DNAJB6: variants seen among roughly 807,000 people sequenced by gnomAD.
The protein encoded by DNAJB6 is DnaJ heat shock protein family (Hsp40) member B6, also known as dnaJ homolog subfamily B member 6.
A neutral mutation model predicts 42.7 loss-of-function variants in DNAJB6; 16 were observed. The ratio of observed to expected loss-of-function variants is 0.37; its 90% CI spans 0.25 to 0.57. The LOEUF is 0.57. DNAJB6 is among the 20% of genes least tolerant of loss of function. The pLI, the probability that DNAJB6 is intolerant of heterozygous loss-of-function variation, is 0.74. For synonymous variants in DNAJB6, 170 were observed against 163.5 expected, an observed-to-expected ratio of 1.04 and a Z score of -0.30; for missense variants, 347 against 416.8, an observed-to-expected ratio of 0.83 and a Z score of 1.46.
chr7:157,394,968 C>G (rs1801513298), intron 8 of DNAJB6, among the ~76,000 whole-genome samples: 1 of 152,104 alleles, frequency 6.6e-6, no homozygotes, highest in African/African-American at 2.4e-5. Flanking sequence ...GTGCACGCCT[C>G]TAGTCCCAGC....
At chr7:157,397,158 C>T (rs749373952) in intron 8 of DNAJB6, among the ~76,000 whole-genome samples, 2 of 152,200 alleles carry the variant, frequency 1.3e-5, no homozygotes, top group Admixed American at 6.5e-5. Context: ...CAGCCCCGTG[C>T]GTCTGTAGCT....
intron 5 of DNAJB6, among the ~76,000 whole-genome samples, chr7:157,370,425 G>T (rs905883444): frequency 2.4e-4 from 36 of 152,042 alleles, no homozygotes; most frequent in African/African-American, 8.7e-4. Flanking sequence ...TTAACATTAT[G>T]ATTAAACAGG....
chr7:157,382,166 T>C (rs1800814227), intron 5 of DNAJB6, 80 bp from the exon 6 acceptor site: 1 of 1,463,812 alleles, frequency 6.8e-7, no homozygotes, highest in African/African-American at 1.4e-5. Flanking sequence ...CAAACATCTA[T>C]TTTCTCTTAC....
At chr7:157,386,883 C>CAAA (rs112149325) in intron 8 of DNAJB6, among the ~76,000 whole-genome samples, 11,280 of 132,752 alleles carry the variant, frequency 0.085, 626 homozygotes, top group African/African-American at 0.15. Flanking sequence ...GCCTTCATCT[C>CAAA]AAAAAAAAAA....
intron 1 of DNAJB6, among the ~76,000 whole-genome samples, chr7:157,342,469 A>G (rs146518956): frequency 0.022 from 3,233 of 149,596 alleles, 45 homozygotes; most frequent in East Asian, 0.057. Context: ...TCCCGAGTAC[A>G]TGGGATTACA....
chr7:157,359,064 C>A (rs571557382), intron 2 of DNAJB6, among the ~76,000 whole-genome samples: 2 of 152,174 alleles, frequency 1.3e-5, no homozygotes, highest in Non-Finnish European at 2.9e-5. Flanking sequence ...AGAACTGCAG[C>A]GCTGCCTGTG....
intron 8 of DNAJB6, among the ~76,000 whole-genome samples, chr7:157,407,165 C>T (rs1795802948): frequency 6.6e-6 from 1 of 152,248 alleles, no homozygotes; most frequent in Non-Finnish European, 1.5e-5. Flanking sequence ...GACTGGGCTT[C>T]CCAGAGCCAG....
chr7:157,341,537 A>G (rs909350405), intron 1 of DNAJB6, among the ~76,000 whole-genome samples: 4 of 152,178 alleles, frequency 2.6e-5, no homozygotes, highest in African/African-American at 9.6e-5. Flanking sequence ...ACCTTTTGCC[A>G]CCAAAGGCTT....
chr7:157,387,649 C>G (rs1801137354), intron 8 of DNAJB6, among the ~76,000 whole-genome samples: 1 of 152,160 alleles, frequency 6.6e-6, no homozygotes, highest in Non-Finnish European at 1.5e-5. Flanking sequence ...GTTGGTACTA[C>G]ACAATTTTAG....
chr7:157,385,403 G>T, intron 7 of DNAJB6, 138 bp from the exon 8 acceptor site: 1 of 855,440 alleles, frequency 1.2e-6, no homozygotes, highest in Non-Finnish European at 1.8e-6. Context: ...TTGACAGGTT[G>T]GCTTCAGCCA....
At chr7:157,384,756 C>T (rs41267741) in intron 6 of DNAJB6, 111 bp from the exon 7 acceptor site, 26,348 of 1,080,912 alleles carry the variant, frequency 0.024, 376 homozygotes, top group Non-Finnish European at 0.031. Context: ...TATTACTCCT[C>T]GGTTCTATGC....
At chr7:157,403,842 C>A (rs184548152) in intron 8 of DNAJB6, among the ~76,000 whole-genome samples, 1 of 152,158 alleles carries the variant, frequency 6.6e-6, no homozygotes, top group Non-Finnish European at 1.5e-5. Context: ...TGTGTGGACT[C>A]GCAGCGGAAG....
At chr7:157,407,508 G>T (rs1795815114) in intron 8 of DNAJB6, among the ~76,000 whole-genome samples, 1 of 152,200 alleles carries the variant, frequency 6.6e-6, no homozygotes, top group African/African-American at 2.4e-5. Flanking sequence ...CTGGAGGCAG[G>T]AACGGGCTTA....
chr7:157,337,778 A>G (rs890619691), intron 1 of DNAJB6: 6 of 152,390 alleles, frequency 3.9e-5, no homozygotes, highest in African/African-American at 9.6e-5. Flanking sequence ...TGAAGTTTAT[A>G]TAAGAAGTTT....
rs185577791 is a variant in DNAJB6 at position 157,368,318 on chromosome 7, A to G, written c.346+835A>G. On this transcript the variant is annotated intron_variant, in intron 5 of 9. Transcript: ENST00000262177. ...GAGTGTCTTGGAAACGTTGTTTCCC[A>G]TTGAACAACCAATTGGTGTGTGAAT... is the stretch of plus-strand genomic sequence containing the variant. Among the ~76,000 whole-genome samples, 52 of 152,330 alleles carry G rather than the reference A, an allele frequency of 3.4e-4. 1 individual carries two copies. The highest frequency in any genetic ancestry group is 1.2e-3 in the African/African-American group (50 of 41,586).
intron 1 of DNAJB6, among the ~76,000 whole-genome samples, chr7:157,357,244 T>TTCCG (rs1799334645): frequency 1.2e-5 from 1 of 80,748 alleles, no homozygotes; most frequent in African/African-American, 4.4e-5. Context: ...CCTTCCTTCC[T>TTCCG]TCCTTCCTTC....
intron 1 of DNAJB6, among the ~76,000 whole-genome samples, chr7:157,350,121 A>G (rs1057375137): frequency 6.6e-6 from 1 of 152,042 alleles, no homozygotes. Flanking sequence ...ATCCTGGTCC[A>G]TTTTCCCGTC....
At chr7:157,374,775 A>G (rs1440768771) in intron 5 of DNAJB6, among the ~76,000 whole-genome samples, 1 of 152,214 alleles carries the variant, frequency 6.6e-6, no homozygotes, top group Non-Finnish European at 1.5e-5. Context: ...CTACCCCTCT[A>G]AAAGGCTTGA....
chr7:157,381,745 C>CGTGTGTGTGTGTGTGTGTGT (rs3839841), intron 5 of DNAJB6: 5 of 148,726 alleles, frequency 3.4e-5, no homozygotes, highest in African/African-American at 1.2e-4. Flanking sequence ...CACCATTCCT[C>CGTGTGTGTGTGTGTGTGTGT]GTGTGTGTGT....
Sources: gnomAD v4.1 joint callset for allele counts (sites outside exome capture counted in the v4.1 genomes callset) on GRCh38, gnomAD v4.1.1 for gene constraint, MANE v1.5 for transcripts, NCBI Gene and HGNC (gene_info 2026-07-23, HGNC 2026-07-21) for gene names.